DST: variants seen among roughly 807,000 people sequenced by gnomAD.
The protein encoded by DST is dystonin, also known as bullous pemphigoid antigen.
A neutral mutation model predicts 875.2 loss-of-function variants in DST; 253 were observed. The ratio of observed to expected loss-of-function variants is 0.29; its 90% CI spans 0.26 to 0.32. The LOEUF is 0.32. Ranked by LOEUF, DST falls within the 10% of genes least tolerant of loss-of-function variation. DST has a pLI of 1.00. For synonymous variants in DST, 3,124 were observed against 3,197.1 expected, an observed-to-expected ratio of 0.98 and a Z score of 0.77; for missense variants, 8,287 against 9,111.6, an observed-to-expected ratio of 0.91 and a Z score of 3.68.
intron 53 of DST, among the ~76,000 whole-genome samples, chr6:56,571,151 A>C (rs72879258): frequency 2.6e-5 from 4 of 152,368 alleles, no homozygotes; most frequent in Middle Eastern, 3.4e-3. Flanking sequence ...TGCCCAGCAC[A>C]TGAACAACTG....
chr6:56,778,334 G>C (rs778409663), intron 4 of DST, among the ~76,000 whole-genome samples: 1 of 148,442 alleles, frequency 6.7e-6, no homozygotes, highest in Non-Finnish European at 1.5e-5. Context: ...GGTGCCCAGA[G>C]TCTTCCTTAT....
At chr6:56,805,808 T>C (rs1366062376) in intron 4 of DST, among the ~76,000 whole-genome samples, 1 of 152,228 alleles carries the variant, frequency 6.6e-6, no homozygotes, top group African/African-American at 2.4e-5. Context: ...GCATATTTTG[T>C]TCTAAAACCA....
intron 5 of DST, among the ~76,000 whole-genome samples, chr6:56,724,901 C>T (rs777450262): frequency 5.3e-5 from 8 of 152,072 alleles, no homozygotes; most frequent in African/African-American, 9.7e-5. Context: ...AGAAGACAGG[C>T]GGACAAATCT....
At chr6:56,806,550 G>A (rs1338966908) in intron 4 of DST, among the ~76,000 whole-genome samples, 1 of 152,202 alleles carries the variant, frequency 6.6e-6, no homozygotes. Context: ...GTAGAGAAAA[G>A]AGAGGCCCTA....
chr6:56,619,995 T>C (rs778809089), intron 36 of DST: 2 of 1,614,132 alleles, frequency 1.2e-6, no homozygotes, highest in Non-Finnish European at 1.7e-6. Flanking sequence ...GTTACTGCCC[T>C]GCATGATGTA....
chr6:56,781,533 T>G (rs549061454), intron 4 of DST, among the ~76,000 whole-genome samples: 61 of 152,268 alleles, frequency 4.0e-4, no homozygotes, highest in African/African-American at 1.3e-3. Context: ...TGTCTGTTAT[T>G]GGTGTACAAG....
chr6:56,744,776 T>C (rs1468142181), intron 4 of DST, among the ~76,000 whole-genome samples: 2 of 152,186 alleles, frequency 1.3e-5, no homozygotes, highest in Non-Finnish European at 2.9e-5. Context: ...TGATTTGACC[T>C]TCAACCACAG....
intron 4 of DST, among the ~76,000 whole-genome samples, chr6:56,819,128 CA>C (rs1160593199): frequency 6.6e-6 from 1 of 152,104 alleles, no homozygotes; most frequent in African/African-American, 2.4e-5. Context: ...TCCTAAACTC[CA>C]AAAAGGAGCT....
At chr6:56,769,598 T>C (rs1328428136) in intron 4 of DST, among the ~76,000 whole-genome samples, 1 of 152,068 alleles carries the variant, frequency 6.6e-6, no homozygotes, top group South Asian at 2.1e-4. Context: ...AGCGGGTGGA[T>C]TGAGTCCAGG....
chr6:56,729,267 T>C (rs2099486449), intron 5 of DST, among the ~76,000 whole-genome samples: 1 of 152,228 alleles, frequency 6.6e-6, no homozygotes, highest in Non-Finnish European at 1.5e-5. Flanking sequence ...TATTTTTCAT[T>C]AGCCCTTTAT....
chr6:56,515,502 G>C lies in DST; in HGVS notation c.18524C>G (p.Pro6175Arg). ...AGTTTCATATTCAAGGGCTGGGGCGGGAAGCTGAGAGATGATTGATTGTGT... is the reference window on the plus strand; with the variant it reads ...AGTTTCATATTCAAGGGCTGGGGCGCGAAGCTGAGAGATGATTGATTGTGT... ...TETQSIISQL[P>R]APALEYETLR... The change falls in exon 72 of 104, where the codon CCC becomes CGC. Residue 6175 changes from proline to arginine, a missense_variant. Coordinates refer to ENST00000680361, the MANE Select transcript of DST (RefSeq NM_001374736.1). The C allele has an allele frequency of 6.2e-7, 1 of 1,613,910 alleles. No homozygotes were observed. Among genetic ancestry groups the C allele is most frequent in the Non-Finnish European group, 8.5e-7 (1 of 1,179,842 alleles).
chr6:56,846,877 C>T (rs1462942320), intron 4 of DST, among the ~76,000 whole-genome samples: 2 of 151,838 alleles, frequency 1.3e-5, no homozygotes, highest in Non-Finnish European at 2.9e-5. Flanking sequence ...ATGGCACACA[C>T]CTTTAGTCCC....
chr6:56,827,572 A>C (rs2099782270), intron 4 of DST, among the ~76,000 whole-genome samples: 1 of 151,912 alleles, frequency 6.6e-6, no homozygotes, highest in East Asian at 1.9e-4. Context: ...ACATATATTG[A>C]CATTTTGTAG....
intron 3 of DST, among the ~76,000 whole-genome samples, chr6:56,893,148 G>A (rs1030392891): frequency 6.6e-6 from 1 of 151,962 alleles, no homozygotes; most frequent in Admixed American, 6.6e-5. Flanking sequence ...TTTATCCCTC[G>A]CCCTCCTCAT....
Position 56,603,731 on chromosome 6 carries a change from C to T in DST, c.10792-18G>A, listed in dbSNP as rs1353623232. 7 of 1,588,780 alleles carry T rather than the reference C, an allele frequency of 4.4e-6. No individual in the cohort carries two copies. Among genetic ancestry groups the T allele is most frequent in the East Asian group, 2.2e-5 (1 of 44,736 alleles). ...CTGGAAAACTAAAAACAAAGTTGGA[C>T]ATTTTAATTCAATAACCTTTATGCA... On this transcript the variant is annotated intron_variant, in intron 40 of 103. Coordinates refer to ENST00000680361, the MANE Select transcript of DST (RefSeq NM_001374736.1).
chr6:56,626,661 A>G (rs2098737602), intron 34 of DST, among the ~76,000 whole-genome samples: 1 of 152,186 alleles, frequency 6.6e-6, no homozygotes, highest in African/African-American at 2.4e-5. Flanking sequence ...AATCTATCCA[A>G]TCCTGGAGAT....
chr6:56,625,794 T>G (rs1587000841), intron 34 of DST, among the ~76,000 whole-genome samples: 1 of 151,622 alleles, frequency 6.6e-6, no homozygotes, highest in South Asian at 2.1e-4. Context: ...TCAGAAAGTA[T>G]TCCAGAAAAA....
In DST at chr6:56,641,710, G is replaced by A. The variant is rs80060090; in HGVS notation, c.2027+237C>T. Among the ~76,000 whole-genome samples the A allele has an allele frequency of 2.0e-3, 301 of 152,050 alleles. 3 individuals are homozygous for A. The highest frequency in any genetic ancestry group is 0.017 in the Admixed American group (258 of 15,288). On this transcript the variant is annotated intron_variant, in intron 17 of 103. Transcript: ENST00000680361. ...CTATATCTAGGGTATTCATTTTAAC[G>A]AGTTAGTTACTGCAGCAGTATTATA...
In DST at chr6:56,555,695, T is replaced by C. The variant is rs761467312; in HGVS notation, c.14786A>G (p.Asp4929Gly). The change falls in exon 60 of 104, where the codon GAT becomes GGT. Residue 4929 changes from aspartate (D) to glycine (G), a missense_variant. Coordinates refer to ENST00000680361, the MANE Select transcript of DST (RefSeq NM_001374736.1). ...GTCACTCAATTGCCCTGTTAGGCTA[T>C]CCCATTTTTGGGTCACAGCTGCCAG... The part of the protein sequence containing the change: ...EQLAAVTQKW[D>G]SLTGQLSDRC... 1.9e-6 allele frequency: 3 copies of C among 1,612,408 alleles called. No individual in the cohort carries two copies. In the Admixed American group the frequency reaches 5.0e-5, roughly 27 times the overall value.
Sources: gnomAD v4.1 joint callset for allele counts (sites outside exome capture counted in the v4.1 genomes callset) on GRCh38, gnomAD v4.1.1 for gene constraint, MANE v1.5 for transcripts, NCBI Gene and HGNC (gene_info 2026-07-23, HGNC 2026-07-21) for gene names.